GUCY1A1: variants seen among roughly 807,000 people sequenced by gnomAD.
The protein encoded by GUCY1A1 is guanylate cyclase 1 soluble subunit alpha 1, also known as guanylate cyclase soluble subunit alpha-1.
Under a neutral mutation model 64.5 loss-of-function variants are expected in GUCY1A1, and 48 were observed. The ratio of observed to expected loss-of-function variants is 0.74; its 90% CI spans 0.59 to 0.95. The LOEUF (loss-of-function observed/expected upper bound fraction) is 0.95, where lower values mean the gene tolerates loss of function less well. GUCY1A1 is among the 40% of genes least tolerant of loss of function. GUCY1A1 has a pLI of 0.00. For missense variants in GUCY1A1, 804 were observed against 825.3 expected, an observed-to-expected ratio of 0.97 and a Z score of 0.32; for synonymous variants, 308 against 303.4, an observed-to-expected ratio of 1.02 and a Z score of -0.16.
chr4:155,683,977 TG>T (rs1736186595), intron 2 of GUCY1A1, among the ~76,000 whole-genome samples: 1 of 152,160 alleles, frequency 6.6e-6, no homozygotes, highest in Admixed American at 6.5e-5. Flanking sequence ...TCCTGAGCTT[TG>T]GGGTTTGAGC....
intron 2 of GUCY1A1, among the ~76,000 whole-genome samples, chr4:155,670,018 C>A (rs751706166): frequency 6.6e-6 from 1 of 152,090 alleles, no homozygotes; most frequent in African/African-American, 2.4e-5. Context: ...AAAGGTAAAG[C>A]AACATTTCAG....
intron 6 of GUCY1A1, 36 bp from the exon 7 acceptor site, chr4:155,713,062 T>G: frequency 6.5e-7 from 1 of 1,550,322 alleles, no homozygotes; most frequent in Non-Finnish European, 8.7e-7. Context: ...GTGGGAAACT[T>G]GAATAAACCA....
At chr4:155,706,740 G>A (rs528329286) in intron 4 of GUCY1A1, among the ~76,000 whole-genome samples, 1 of 152,234 alleles carries the variant, frequency 6.6e-6, no homozygotes, top group Admixed American at 6.5e-5. Context: ...TGTATTTTTT[G>A]AAGGTGAGGG....
chr4:155,718,981 ATTTG>A (rs1232012913), intron 8 of GUCY1A1, among the ~76,000 whole-genome samples: 1 of 152,094 alleles, frequency 6.6e-6, no homozygotes, highest in Non-Finnish European at 1.5e-5. Flanking sequence ...TCTCTTTCTA[ATTTG>A]TTTGAGGGGG....
intron 2 of GUCY1A1, among the ~76,000 whole-genome samples, chr4:155,673,372 CA>C (rs1202020886): frequency 6.6e-6 from 1 of 151,454 alleles, no homozygotes; most frequent in African/African-American, 2.5e-5. Context: ...TTATACATGT[CA>C]GCACTTAACA....
intron 9 of GUCY1A1, chr4:155,722,468 A>T (rs1450135822): frequency 1.6e-6 from 2 of 1,212,502 alleles, no homozygotes; most frequent in Non-Finnish European, 2.1e-6. Context: ...ACATATTAAT[A>T]CTCTTAGTAT....
At chr4:155,697,759 G>T (rs1279069109) in intron 3 of GUCY1A1, among the ~76,000 whole-genome samples, 1 of 152,076 alleles carries the variant, frequency 6.6e-6, no homozygotes, top group Non-Finnish European at 1.5e-5. Context: ...TCTTCATATA[G>T]CCCTGCAAGC....
chr4:155,701,592 G>A (rs1228403734), intron 3 of GUCY1A1, among the ~76,000 whole-genome samples: 1 of 152,108 alleles, frequency 6.6e-6, no homozygotes, highest in Non-Finnish European at 1.5e-5. Context: ...GAAGAAGAAA[G>A]CATTCTTCAG....
intron 9 of GUCY1A1, among the ~76,000 whole-genome samples, chr4:155,727,317 C>T (rs1178081073): frequency 2.0e-5 from 3 of 151,758 alleles, no homozygotes; most frequent in Non-Finnish European, 4.4e-5. Flanking sequence ...ATTTCAAACT[C>T]CATAGCATTC....
At position 155,722,039 on chromosome 4, in the gene GUCY1A1, T is replaced by A; in HGVS notation, c.1718T>A (p.Met573Lys). ...VMSPHGEPIK[M>K]RIGLHSGSVF... is the part of the protein sequence containing the mutation. ...CATCATGTTATTTTTTGCTTTCAGA[T>A]GCGAATTGGACTGCACTCTGGATCA... Residue 573 changes from methionine (M) to lysine (K), a missense_variant and splice_region_variant, in exon 9 of 10, where the codon ATG becomes AAG. Met to Lys is a moderately conservative substitution (Grantham distance 95). Transcript: ENST00000506455. The A allele has an allele frequency of 6.2e-7, 1 of 1,608,050 alleles. No individual in the cohort carries two copies. Among genetic ancestry groups the A allele is most frequent in the Non-Finnish European group, 8.5e-7 (1 of 1,175,452 alleles).
intron 2 of GUCY1A1, among the ~76,000 whole-genome samples, chr4:155,688,376 C>T (rs1729297256): frequency 6.6e-6 from 1 of 152,086 alleles, no homozygotes; most frequent in African/African-American, 2.4e-5. Context: ...CCAGGCCTTC[C>T]TGCCTGACCA....
rs554168755 is a variant in GUCY1A1, at chr4:155,705,229, A to G, written c.317+1236A>G. On this transcript the variant is annotated intron_variant, in intron 4 of 9. Transcript: ENST00000506455. ...TTTTTAAATCTGATTTATTTAGTGA[A>G]TCAAATACAATTTAGCACATTTACT... Among the ~76,000 whole-genome samples the G allele has an allele frequency of 3.3e-5, 5 of 152,360 alleles. No homozygotes were observed. In the East Asian group the frequency reaches 9.6e-4, roughly 29 times the overall value.
chr4:155,667,848 T>TG (rs927049960), intron 2 of GUCY1A1: 3 of 152,168 alleles, frequency 2.0e-5, no homozygotes, highest in Non-Finnish European at 2.9e-5. Context: ...CGGGCGCAGC[T>TG]GGGGGATGCC....
Position 155,695,933 on chromosome 4 carries a change from T to G in GUCY1A1, c.-112-823T>G, listed in dbSNP as rs78139457. On this transcript the variant is annotated intron_variant, in intron 2 of 9. Transcript: ENST00000506455. ...CCAGTAACAAATAGCTAATGATAAA[T>G]GGGTTGTGAATTGTGGGAGAATTTA... Among the ~76,000 whole-genome samples the G allele has an allele frequency of 4.6e-5, 7 of 152,252 alleles. No individual in the cohort carries two copies. In the East Asian group the frequency reaches 1.3e-3, roughly 29 times the overall value.
At chr4:155,678,291 G>A (rs1016906851) in intron 2 of GUCY1A1, among the ~76,000 whole-genome samples, 12 of 152,154 alleles carry the variant, frequency 7.9e-5, no homozygotes, top group Admixed American at 7.9e-4. Context: ...AAATAGTTCT[G>A]ACCATGCATA....
rs552506409 is a variant in GUCY1A1 at position 155,674,231 on chromosome 4, T to C, written c.-113+6812T>C. Among the ~76,000 whole-genome samples, 121 of 151,368 alleles carry C rather than the reference T, an allele frequency of 8.0e-4. 6 individuals carry two copies. Among genetic ancestry groups the C allele is most frequent in the African/African-American group, 2.8e-3 (113 of 40,736 alleles). On this transcript the variant is annotated intron_variant, in intron 2 of 9. Transcript: ENST00000506455. ...TTAGCCGGGCATGGTGGTGGGTGCC[T>C]GTAATCCCAGCTATTCGGGAGGCTG... is the stretch of plus-strand genomic sequence containing the variant.
intron 2 of GUCY1A1, among the ~76,000 whole-genome samples, chr4:155,695,233 C>A (rs1177985621): frequency 6.6e-6 from 1 of 152,074 alleles, no homozygotes; most frequent in Non-Finnish European, 1.5e-5. Flanking sequence ...CTTGTTTGTC[C>A]CAGTTCAGAA....
chr4:155,729,957 TCA>T (rs1423312240), intron 9 of GUCY1A1, 71 bp from the exon 10 acceptor site: 1 of 885,526 alleles, frequency 1.1e-6, no homozygotes, highest in African/African-American at 1.7e-5. Context: ...TCAGTAACAT[TCA>T]GTTAGTTATG....
chr4:155,714,985 G>A (rs577679671), intron 7 of GUCY1A1, among the ~76,000 whole-genome samples: 1 of 152,318 alleles, frequency 6.6e-6, no homozygotes, highest in East Asian at 1.9e-4. Context: ...GCTAACAGAA[G>A]TAGCCCTCTT....
Sources: allele counts gnomAD v4.1 joint callset (sites outside exome capture counted in the v4.1 genomes callset), GRCh38; gene constraint gnomAD v4.1.1; transcripts MANE v1.5; gene names NCBI Gene and HGNC (gene_info 2026-07-23, HGNC 2026-07-21).